Variants in DHRSX observed in about 807,000 individuals in gnomAD.
The protein encoded by DHRSX is dehydrogenase/reductase X-linked.
In DHRSX, 31 loss-of-function variants were observed where a neutral mutation model predicts 34.0. The ratio of observed to expected loss-of-function variants is 0.91; its 90% CI spans 0.69 to 1.23. The LOEUF is 1.23. Among genes scored for constraint, DHRSX ranks in the 50% most tolerant of loss-of-function variants. The pLI is 0.00. For synonymous variants in DHRSX, 201 were observed against 183.8 expected (o/e 1.09, Z -0.76); for missense variants, 414 against 428.1 (o/e 0.97, Z 0.29).
intron 3 of DHRSX, among the ~76,000 whole-genome samples, chrX:2,385,737 TG>T (rs1358699840): frequency 2.0e-5 from 3 of 152,186 alleles, no homozygotes; most frequent in African/African-American, 7.2e-5. Context: ...TTTTTTAACC[TG>T]GAAGTCTATT....
rs761603369 is a variant in DHRSX, at chrX:2,374,698, C to T, written c.286+34047G>A. ...AGGTTGCAGTGAGCCGAGATCACGC[C>T]ATTGCACTCTAGCCCGGGTGACAAC... is the stretch of plus-strand genomic sequence containing the variant. On this transcript the variant is annotated intron_variant, in intron 3 of 6. Transcript: ENST00000334651. Among the ~76,000 whole-genome samples, 4 of 137,052 alleles carry T rather than the reference C, an allele frequency of 2.9e-5. 1 individual carries two copies. Among genetic ancestry groups the T allele is most frequent in the African/African-American group, 9.9e-5 (4 of 40,548 alleles). 89.9% of individuals were successfully genotyped at this position (137,052 alleles called of 152,430 possible).
At chrX:2,254,609 A>G (rs1474186994) in intron 5 of DHRSX, among the ~76,000 whole-genome samples, 1 of 152,172 alleles carries the variant, frequency 6.6e-6, no homozygotes, top group Non-Finnish European at 1.5e-5. Flanking sequence ...TCCGCCTACC[A>G]GGAACTCAGA....
intron 6 of DHRSX, among the ~76,000 whole-genome samples, chrX:2,241,891 C>T (rs1400008898): frequency 6.6e-6 from 1 of 152,048 alleles, no homozygotes; most frequent in Non-Finnish European, 1.5e-5. Context: ...CTGGGCAACA[C>T]AGAACGAAAC....
At chrX:2,403,307 G>A (rs977570566) in intron 3 of DHRSX, among the ~76,000 whole-genome samples, 5 of 151,954 alleles carry the variant, frequency 3.3e-5, no homozygotes, top group South Asian at 4.2e-4. Flanking sequence ...CCATCTCCAC[G>A]GCACACCCCA....
chrX:2,345,590 T>C (rs2042696583), intron 3 of DHRSX, among the ~76,000 whole-genome samples: 1 of 149,500 alleles, frequency 6.7e-6, no homozygotes, highest in Admixed American at 6.7e-5. Flanking sequence ...GAAGTTGCAT[T>C]GAGCCAAGAT....
Position 2,412,594 on chromosome X carries a change from A to C in DHRSX, c.218-3781T>G, listed in dbSNP as rs182225546. On this transcript the variant is annotated intron_variant, in intron 2 of 6. Transcript: ENST00000334651. Reference sequence around the variant, plus strand: ...AATCTCACTCCTCTGTATAGATCCAAAGGAAATGAAATCAGCCCCTTATAG... The same window carrying C: ...AATCTCACTCCTCTGTATAGATCCACAGGAAATGAAATCAGCCCCTTATAG... Among the ~76,000 whole-genome samples the C allele has an allele frequency of 1.1e-4, 16 of 152,144 alleles. No individual in the cohort carries two copies. In the East Asian group the frequency reaches 2.9e-3, roughly 28 times the overall value.
At position 2,229,504 on chromosome X, in the gene DHRSX, C is replaced by G. The variant is rs186835010; in HGVS notation, c.805-8275G>C. 5.2e-3 allele frequency among the ~76,000 whole-genome samples: 796 copies of G among 152,132 alleles called. 4 individuals carry two copies. Among genetic ancestry groups the G allele is most frequent in the African/African-American group, 0.019 (771 of 41,508 alleles). ...ATGTTCTGGAAAATAGGTTTCGGGG[C>G]TGGATGTTTTCTGGGATGCTGACTC... is the stretch of plus-strand genomic sequence containing the variant. On this transcript the variant is annotated intron_variant, in intron 6 of 6. Transcript: ENST00000334651.
In DHRSX at chrX:2,243,212, G is replaced by A. The variant is rs373759354; in HGVS notation, c.615C>T (p.His205=). ...CCAGCTTGCTCTGGGCGTAGGCTGC[G>A]TGGGGTGAGTAGCAGGCACTGTGGG... ...DLQSSACYSP[H]AAYAQSKLAL... The change falls in exon 6 of 7, where the codon CAC becomes CAT. Residue 205 remains histidine, a synonymous_variant. Coordinates refer to ENST00000334651, the MANE Select transcript of DHRSX (RefSeq NM_145177.3). The A allele has an allele frequency of 2.4e-5, 39 of 1,613,654 alleles. No individual in the cohort carries two copies. The highest frequency in any genetic ancestry group is 1.7e-4 in the Middle Eastern group (1 of 6,014).
chrX:2,340,400 C>T (rs184556652), intron 3 of DHRSX, among the ~76,000 whole-genome samples: 3,109 of 151,978 alleles, frequency 0.02, 54 homozygotes, highest in Non-Finnish European at 0.027. Flanking sequence ...TTAATTCATT[C>T]TTTTTTGTGG....
At chrX:2,399,380 A>G (rs1275654805) in intron 3 of DHRSX, among the ~76,000 whole-genome samples, 1 of 150,550 alleles carries the variant, frequency 6.6e-6, no homozygotes, top group East Asian at 2.0e-4. Flanking sequence ...GAAAAGGAAA[A>G]CAGTCAATAA....
chrX:2,235,741 A>G (rs1311093027), intron 6 of DHRSX, among the ~76,000 whole-genome samples: 616 of 7,458 alleles, frequency 0.083, 3 homozygotes, highest in East Asian at 0.3. Context: ...TCTCAGGGGA[A>G]AAAAAAAAAA....
At chrX:2,469,989 C>CGG (rs2044563954) in intron 1 of DHRSX, among the ~76,000 whole-genome samples, 1 of 151,898 alleles carries the variant, frequency 6.6e-6, no homozygotes, top group Non-Finnish European at 1.5e-5. Context: ...CCAAGATATA[C>CGG]AATCAACCCA....
chrX:2,404,736 C>T (rs2043530463), intron 3 of DHRSX, among the ~76,000 whole-genome samples: 1 of 152,070 alleles, frequency 6.6e-6, no homozygotes, highest in African/African-American at 2.4e-5. Context: ...ACACAGAGCT[C>T]CCCCCGCCCC....
chrX:2,472,673 A>G (rs1220421744), intron 1 of DHRSX, among the ~76,000 whole-genome samples: 4 of 151,948 alleles, frequency 2.6e-5, no homozygotes, highest in Admixed American at 6.6e-5. Context: ...ACAGGCTGAG[A>G]TGGGAGAATC....
At chrX:2,303,240 G>A (rs866081167) in intron 3 of DHRSX, among the ~76,000 whole-genome samples, 11 of 152,164 alleles carry the variant, frequency 7.2e-5, no homozygotes, top group African/African-American at 2.4e-4. Context: ...ACTGGCTTGC[G>A]AGGTGGTGAT....
At chrX:2,390,878 A>G (rs28418610) in intron 3 of DHRSX, among the ~76,000 whole-genome samples, 28,720 of 151,384 alleles carry the variant, frequency 0.19, 3,118 homozygotes, top group African/African-American at 0.23. Flanking sequence ...TTGCTTATCC[A>G]TCTGCCTGTG....
intron 3 of DHRSX, among the ~76,000 whole-genome samples, chrX:2,383,622 T>G (rs1000866866): frequency 2.6e-5 from 4 of 152,242 alleles, no homozygotes; most frequent in African/African-American, 9.6e-5. Flanking sequence ...TCCTGTATTT[T>G]ATTCCTTTGG....
At chrX:2,243,522 T>G (rs1411892915) in intron 5 of DHRSX, among the ~76,000 whole-genome samples, 11 of 152,114 alleles carry the variant, frequency 7.2e-5, no homozygotes, top group African/African-American at 2.7e-4. Flanking sequence ...GTCCCCCCTC[T>G]GTCGCCCAGG....
chrX:2,293,269 T>TC (rs1315676376), intron 3 of DHRSX, among the ~76,000 whole-genome samples: 23 of 148,096 alleles, frequency 1.6e-4, no homozygotes, highest in South Asian at 4.3e-4. Flanking sequence ...TTTTTTTTTT[T>TC]CCCAGAAGGA....
Sources: gnomAD v4.1 joint callset for allele counts (sites outside exome capture counted in the v4.1 genomes callset) on GRCh38, gnomAD v4.1.1 for gene constraint, MANE v1.5 for transcripts, NCBI Gene and HGNC (gene_info 2026-07-23, HGNC 2026-07-21) for gene names.